Variants in ADCY7 observed in about 807,000 individuals in gnomAD.
ADCY7 encodes adenylate cyclase type 7.
Under a neutral mutation model 120.6 loss-of-function variants are expected in ADCY7, and 72 were observed. The observed-to-expected ratio is 0.60, with a 90% CI of 0.49 to 0.73. The LOEUF (loss-of-function observed/expected upper bound fraction) is 0.73, where lower values mean the gene tolerates loss of function less well. Among genes scored for constraint, ADCY7 ranks in the 30% least tolerant of loss-of-function variants. ADCY7 has a pLI of 0.00. For synonymous variants in ADCY7, 661 were observed against 628.0 expected (o/e 1.05, Z -0.78); for missense variants, 1,227 against 1,486.0 (o/e 0.83, Z 2.87).
At chr16:50,282,079 A>T (rs1039380591) in intron 1 of ADCY7, among the ~76,000 whole-genome samples, 1 of 152,092 alleles carries the variant, frequency 6.6e-6, no homozygotes, top group Non-Finnish European at 1.5e-5. Flanking sequence ...CCTCACTCCA[A>T]GGTCCCCACT....
chr16:50,290,324 G>A (rs762568783), intron 2 of ADCY7, 133 bp from the exon 3 acceptor site: 2 of 926,748 alleles, frequency 2.2e-6, no homozygotes, highest in Non-Finnish European at 3.3e-6. Flanking sequence ...TGGGAACCAG[G>A]TGTGGGAGGG....
At chr16:50,312,490 G>A (rs975501798) in intron 21 of ADCY7, among the ~76,000 whole-genome samples, 1 of 152,194 alleles carries the variant, frequency 6.6e-6, no homozygotes, top group African/African-American at 2.4e-5. Flanking sequence ...TGAAATGTGT[G>A]TTCAGGGGTT....
At chr16:50,310,902 T>G in intron 19 of ADCY7, 22 bp downstream of exon 19, 1 of 1,552,182 alleles carries the variant, frequency 6.4e-7, no homozygotes, top group Non-Finnish European at 8.7e-7. Context: ...CCCGTCCCCG[T>G]CCCCATCCCC....
chr16:50,296,776 C>T (rs1357969340), intron 7 of ADCY7, among the ~76,000 whole-genome samples: 1 of 152,194 alleles, frequency 6.6e-6, no homozygotes, highest in African/African-American at 2.4e-5. Context: ...GCTACTCAAT[C>T]CCAGGAGGGA....
intron 1 of ADCY7, among the ~76,000 whole-genome samples, chr16:50,284,987 G>A (rs537215810): frequency 1.7e-4 from 26 of 152,172 alleles, no homozygotes; most frequent in Non-Finnish European, 3.4e-4. Context: ...ATCTCAGGCA[G>A]GGACCTTATC....
intron 2 of ADCY7, among the ~76,000 whole-genome samples, chr16:50,288,640 G>T (rs2034736891): frequency 6.6e-6 from 1 of 152,048 alleles, no homozygotes; most frequent in East Asian, 1.9e-4. Context: ...ACCATGCCCA[G>T]CTAATTTTTG....
chr16:50,314,585 A>G, intron 24 of ADCY7, 179 bp downstream of exon 24: 1 of 568,006 alleles, frequency 1.8e-6, no homozygotes, highest in Non-Finnish European at 3.1e-6. Flanking sequence ...GCATATAGTT[A>G]CCATTGAGAG....
chr16:50,298,093 T>C (rs1043974854), intron 7 of ADCY7, among the ~76,000 whole-genome samples: 1 of 152,026 alleles, frequency 6.6e-6, no homozygotes, highest in African/African-American at 2.4e-5. Context: ...GCCGCTCTCC[T>C]ACTCTGCCCT....
chr16:50,305,676 C>G (rs1026292047), intron 13 of ADCY7, 90 bp downstream of exon 13: 22 of 1,503,926 alleles, frequency 1.5e-5, no homozygotes, highest in Non-Finnish European at 1.9e-5. Context: ...TACCCCATGC[C>G]TGGTGGCCCA....
At chr16:50,251,517 G>C (rs1218363174) in intron 1 of ADCY7, among the ~76,000 whole-genome samples, 1 of 152,234 alleles carries the variant, frequency 6.6e-6, no homozygotes, top group Non-Finnish European at 1.5e-5. Context: ...GCAGAGGCCA[G>C]GGCCGTGGGA....
Position 50,297,260 on chromosome 16 carries a change from T to G in ADCY7, c.949-1644T>G, listed in dbSNP as rs1596933692. Among the ~76,000 whole-genome samples the G allele has an allele frequency of 1.7e-5, 2 of 114,788 alleles. No homozygotes were observed. The highest frequency in any genetic ancestry group is 4.1e-4 in the East Asian group (2 of 4,920). 75.3% of individuals were successfully genotyped at this position (114,788 alleles called of 152,430 possible). A position where few individuals can be genotyped will look rare whatever the true frequency, so the allele number is the denominator to read the frequency against. On this transcript the variant is annotated intron_variant, in intron 7 of 25. Coordinates refer to ENST00000673801, the MANE Select transcript of ADCY7 (RefSeq NM_001114.5). The surrounding 1 kb of genome is among the most constrained non-coding windows in gnomAD (Gnocchi z 4.4). ...TAAGCTCTTTCCAAGAGCCAGGGCC[T>G]CCTCTCTCAGAGGCATACAAGTCAC...
At chr16:50,295,016 C>T (rs1487371164) in intron 7 of ADCY7, among the ~76,000 whole-genome samples, 2 of 152,134 alleles carry the variant, frequency 1.3e-5, no homozygotes, top group Non-Finnish European at 2.9e-5. Context: ...CTCTGGAGCT[C>T]AGATGGGGGC....
intron 1 of ADCY7, among the ~76,000 whole-genome samples, chr16:50,270,030 A>G (rs560497687): frequency 8.5e-5 from 13 of 152,222 alleles, no homozygotes; most frequent in Non-Finnish European, 1.6e-4. Context: ...CTCTAGGAAA[A>G]AATTACAAAT....
chr16:50,271,332 C>T (rs2033558895), intron 1 of ADCY7, among the ~76,000 whole-genome samples: 1 of 152,198 alleles, frequency 6.6e-6, no homozygotes, highest in South Asian at 2.1e-4. Context: ...GCCTCGACCT[C>T]CTGGGCTCAA....
chr16:50,247,442 A>G (rs2032625154), intron 1 of ADCY7, among the ~76,000 whole-genome samples: 1 of 151,532 alleles, frequency 6.6e-6, no homozygotes, highest in Admixed American at 6.6e-5. Flanking sequence ...GCTTACGGCA[A>G]CCTCCACCTC....
intron 1 of ADCY7, among the ~76,000 whole-genome samples, chr16:50,246,701 A>G (rs2032599489): frequency 6.6e-6 from 1 of 152,172 alleles, no homozygotes; most frequent in East Asian, 1.9e-4. Context: ...CTCGGTGGCC[A>G]AAGGGGACCA....
At chr16:50,256,401 A>T (rs2032919307) in intron 1 of ADCY7, among the ~76,000 whole-genome samples, 1 of 152,182 alleles carries the variant, frequency 6.6e-6, no homozygotes, top group Admixed American at 6.5e-5. Flanking sequence ...TAGAATGGCT[A>T]TTATTAAAAA....
rs961830695 is a variant in ADCY7, at chr16:50,304,612, T to C, written c.1560+61T>C. The C allele has an allele frequency of 2.1e-6, 3 of 1,455,246 alleles. No individual in the cohort carries two copies. In the African/African-American group the frequency reaches 4.3e-5, roughly 21 times the overall value. The allele number at this position is 1,455,246 out of a possible 1,614,324, so 90.1% of individuals were successfully genotyped here. On this transcript the variant is annotated intron_variant, in intron 11 of 25. Transcript: ENST00000673801. ...GGGCCCCAAGCCAGGAGCAGGAGAG[T>C]GAGTGCTGAAGATCTCCTGCCCTCT...
At chr16:50,276,069 GA>G (rs1893294371) in intron 1 of ADCY7, among the ~76,000 whole-genome samples, 1 of 152,216 alleles carries the variant, frequency 6.6e-6, no homozygotes, top group Non-Finnish European at 1.5e-5. Context: ...GGCTTGGGCC[GA>G]GGACCCGACT....
Sources: gnomAD v4.1 joint callset for allele counts (sites outside exome capture counted in the v4.1 genomes callset) on GRCh38, gnomAD v4.1.1 for gene constraint, Gnocchi (gnomAD v3.1) non-coding constraint, MANE v1.5 for transcripts, NCBI Gene and HGNC (gene_info 2026-07-23, HGNC 2026-07-21) for gene names.